Variants in CPS1 observed in about 807,000 individuals in gnomAD.
CPS1 encodes carbamoyl-phosphate synthase [ammonia], mitochondrial.
Under a neutral mutation model 174.6 loss-of-function variants are expected in CPS1, and 109 were observed. The observed-to-expected ratio is 0.62, with a 90% CI of 0.53 to 0.73. The LOEUF is 0.73. Among genes scored for constraint, CPS1 ranks in the 30% least tolerant of loss-of-function variants. The pLI is 0.00. For missense variants in CPS1, 1,689 were observed against 1,821.9 expected (o/e 0.93, Z 1.33); for synonymous variants, 637 against 632.0 (o/e 1.01, Z -0.12).
Position 210,602,341 on chromosome 2 carries a change from T to C in CPS1, c.1836+11T>C, listed in dbSNP as rs764750798. The C allele has an allele frequency of 6.2e-7, 1 of 1,612,332 alleles. No individual in the cohort carries two copies. The highest frequency in any genetic ancestry group is 8.5e-7 in the Non-Finnish European group (1 of 1,178,844). On this transcript the variant is annotated intron_variant, in intron 16 of 37. Coordinates refer to ENST00000233072, the MANE Select transcript of CPS1 (RefSeq NM_001875.5). ...GACCTCAGCACAAAGGTATGTATTT[T>C]TGTAGACAATATTCTTACCAACCAA... is the stretch of plus-strand genomic sequence containing the variant.
intron 33 of CPS1, among the ~76,000 whole-genome samples, chr2:210,664,210 T>C (rs1295530569): frequency 6.6e-6 from 1 of 152,162 alleles, no homozygotes. Context: ...CTCCAGTCGG[T>C]TTAAGGAGAC....
chr2:210,595,617 C>T lies in CPS1; in HGVS notation c.1359+35C>T, dbSNP rs200707225. 2,008 of 1,381,958 alleles carry T rather than the reference C, an allele frequency of 1.5e-3. 4 individuals carry two copies. The highest frequency in any genetic ancestry group is 1.9e-3 in the Non-Finnish European group (1,882 of 969,936). 85.6% of individuals were successfully genotyped at this position (1,381,958 alleles called of 1,614,324 possible). On this transcript the variant is annotated intron_variant, in intron 13 of 37. Coordinates refer to ENST00000233072, the MANE Select transcript of CPS1 (RefSeq NM_001875.5). ...TATGATCCTTACTAGAATTAATATGCTTCCTTTAATGAGTCTAATTAGTAT... is the reference window on the plus strand; with the variant it reads ...TATGATCCTTACTAGAATTAATATGTTTCCTTTAATGAGTCTAATTAGTAT...
intron 9 of CPS1, among the ~76,000 whole-genome samples, chr2:210,591,268 AT>A (rs1187538486): frequency 5.9e-5 from 9 of 151,938 alleles, no homozygotes; most frequent in Non-Finnish European, 1.3e-4. Context: ...AATTGTTCTG[AT>A]TTTAAGCTTG....
intron 16 of CPS1, among the ~76,000 whole-genome samples, chr2:210,603,669 GTTTA>G (rs1433326837): frequency 1.3e-5 from 2 of 151,662 alleles, no homozygotes; most frequent in African/African-American, 2.4e-5. Context: ...ATGTAAGAAA[GTTTA>G]TAATAAAGAG....
intron 4 of CPS1, among the ~76,000 whole-genome samples, chr2:210,579,285 A>T (rs1697827012): frequency 6.6e-6 from 1 of 152,152 alleles, no homozygotes; most frequent in Non-Finnish European, 1.5e-5. Context: ...TAACAGGATG[A>T]TCATGTTTTA....
intron 24 of CPS1, 76 bp from the exon 25 acceptor site, chr2:210,642,408 G>A: frequency 6.5e-7 from 1 of 1,528,412 alleles, no homozygotes; most frequent in Non-Finnish European, 9.1e-7. Flanking sequence ...ACTGACTGGT[G>A]ATACATTTCT....
At chr2:210,579,417 AT>A (rs1697834155) in intron 4 of CPS1, among the ~76,000 whole-genome samples, 1 of 152,182 alleles carries the variant, frequency 6.6e-6, no homozygotes, top group African/African-American at 2.4e-5. Flanking sequence ...CACCAATGTG[AT>A]TTAACTTACT....
chr2:210,554,106 C>CAT (rs528550817), upstream of CPS1, among the ~76,000 whole-genome samples: 206 of 142,728 alleles, frequency 1.4e-3, 1 homozygote, highest in Non-Finnish European at 2.2e-3. Context: ...TGTATATACA[C>CAT]ATATATATAT....
intron 25 of CPS1, among the ~76,000 whole-genome samples, chr2:210,645,619 T>TAAA (rs1385208133): frequency 6.6e-6 from 1 of 151,956 alleles, no homozygotes; most frequent in Non-Finnish European, 1.5e-5. Context: ...CCATCTCTAC[T>TAAA]AAAAATAAAA....
chr2:210,530,150 T>G (rs1409584761), intron 1 of CPS1, among the ~76,000 whole-genome samples: 1 of 151,978 alleles, frequency 6.6e-6, no homozygotes, highest in African/African-American at 2.4e-5. Context: ...AGGCATGGAG[T>G]GATTTAGCTA....
chr2:210,506,985 T>C (rs1239268433), intron 1 of CPS1, among the ~76,000 whole-genome samples: 1 of 152,158 alleles, frequency 6.6e-6, no homozygotes, highest in African/African-American at 2.4e-5. Flanking sequence ...TTCCCTAATC[T>C]AGCAAGGCAG....
intron 21 of CPS1, among the ~76,000 whole-genome samples, chr2:210,621,544 G>A (rs914424886): frequency 5.3e-5 from 8 of 152,034 alleles, no homozygotes; most frequent in Non-Finnish European, 1.0e-4. Context: ...CTCTTCCCAT[G>A]TAGTATTTTA....
In CPS1 at chr2:210,677,119, C is replaced by T; in HGVS notation, c.4387C>T (p.Leu1463Phe). The T allele has an allele frequency of 2.5e-6, 4 of 1,613,808 alleles. No homozygotes were observed. Among genetic ancestry groups the T allele is most frequent in the Non-Finnish European group, 3.4e-6 (4 of 1,179,708 alleles). The change falls in exon 37 of 38, where the codon CTC becomes TTC. Residue 1463 changes from leucine (L) to phenylalanine (F), a missense_variant. Transcript: ENST00000233072. ...GACAGCTGTTGATAGTGGAATCCCT[C>T]TCCTCACTAATTTTCAGGTATAGTC... ...RRTAVDSGIPLLTNFQVTKLF... is the reference protein window; with the variant it reads ...RRTAVDSGIPFLTNFQVTKLF...
chr2:210,654,400 T>A (rs1334756041), intron 29 of CPS1, among the ~76,000 whole-genome samples: 1 of 152,200 alleles, frequency 6.6e-6, no homozygotes, highest in Non-Finnish European at 1.5e-5. Context: ...TGTCTGTGTC[T>A]TTCCTTTTAT....
intron 1 of CPS1, among the ~76,000 whole-genome samples, chr2:210,530,972 A>G (rs892345296): frequency 6.6e-5 from 10 of 152,032 alleles, no homozygotes; most frequent in Non-Finnish European, 1.5e-4. Flanking sequence ...AATGTTCATG[A>G]GAAAGAAAAC....
chr2:210,636,189 G>T lies in CPS1; in HGVS notation c.2688-1513G>T, dbSNP rs923427663. ...ATTACATGAAATAGCTGGCCCACAG[G>T]TATCTGGTTAAAGATGCTTTTACAG... On this transcript the variant is annotated intron_variant, in intron 21 of 37. Coordinates refer to ENST00000233072, the MANE Select transcript of CPS1 (RefSeq NM_001875.5). Among the ~76,000 whole-genome samples, 20 of 152,208 alleles carry T rather than the reference G, an allele frequency of 1.3e-4. 1 individual carries two copies. The highest frequency in any genetic ancestry group is 9.8e-4 in the Admixed American group (15 of 15,288).
chr2:210,597,915 C>T (rs542068663), intron 13 of CPS1, among the ~76,000 whole-genome samples: 1 of 151,736 alleles, frequency 6.6e-6, no homozygotes, highest in South Asian at 2.1e-4. Flanking sequence ...TAAATATGTA[C>T]AAACAGTTGT....
chr2:210,596,163 G>A (rs1241448317), intron 13 of CPS1, among the ~76,000 whole-genome samples: 1 of 151,938 alleles, frequency 6.6e-6, no homozygotes, highest in East Asian at 1.9e-4. Context: ...AGGTGTGGAA[G>A]GACATCCTTC....
chr2:210,664,641 T>C (rs1403982108), intron 33 of CPS1, among the ~76,000 whole-genome samples: 2 of 152,110 alleles, frequency 1.3e-5, no homozygotes, highest in South Asian at 4.1e-4. Context: ...GCATGGCAAA[T>C]TTGTTTTCAG....
Sources: allele counts gnomAD v4.1 joint callset (sites outside exome capture counted in the v4.1 genomes callset), GRCh38; gene constraint gnomAD v4.1.1; transcripts MANE v1.5; gene names NCBI Gene and HGNC (gene_info 2026-07-23, HGNC 2026-07-21).